Variants in NPAS3 observed in about 807,000 individuals in gnomAD.
NPAS3 encodes neuronal PAS domain protein 3.
A neutral mutation model predicts 73.1 loss-of-function variants in NPAS3; 14 were observed. The observed-to-expected ratio is 0.19, with a 90% CI of 0.13 to 0.30. The LOEUF is 0.30. Ranked by LOEUF, NPAS3 falls within the 10% of genes least tolerant of loss-of-function variation. The pLI, the probability that NPAS3 is intolerant of heterozygous loss-of-function variation, is 1.00. For synonymous variants in NPAS3, 620 were observed against 541.5 expected, an observed-to-expected ratio of 1.14 and a Z score of -2.01; for missense variants, 1,096 against 1,250.0, an observed-to-expected ratio of 0.88 and a Z score of 1.86.
chr14:33,335,990 G>A (rs1209761549), intron 3 of NPAS3, among the ~76,000 whole-genome samples: 4 of 152,070 alleles, frequency 2.6e-5, no homozygotes, highest in East Asian at 1.9e-4. Flanking sequence ...TGTGGTAAAC[G>A]CATGTTTAAT....
upstream of NPAS3, among the ~76,000 whole-genome samples, chr14:32,938,486 TGAGAGA>T (rs369330767): frequency 2.9e-3 from 163 of 55,936 alleles, 3 homozygotes; most frequent in Admixed American, 0.011. Flanking sequence ...AGAGAGAAAT[TGAGAGA>T]GAGAGAGAGA....
At chr14:33,074,126 A>G (rs1441804639) in intron 2 of NPAS3, among the ~76,000 whole-genome samples, 1 of 152,200 alleles carries the variant, frequency 6.6e-6, no homozygotes, top group Non-Finnish European at 1.5e-5. Context: ...ATTTATTGAT[A>G]GAGCACCAAG....
At chr14:33,655,831 A>C (rs1395251960) in intron 5 of NPAS3, among the ~76,000 whole-genome samples, 3 of 152,110 alleles carry the variant, frequency 2.0e-5, no homozygotes, top group Non-Finnish European at 4.4e-5. Flanking sequence ...ATTTCATCCC[A>C]TAGTCTCAAA....
At chr14:33,366,859 GA>G (rs1161136100) in intron 3 of NPAS3, among the ~76,000 whole-genome samples, 1 of 152,058 alleles carries the variant, frequency 6.6e-6, no homozygotes, top group Non-Finnish European at 1.5e-5. Context: ...TTAATTTTAA[GA>G]AAAATGGTGT....
In NPAS3 at chr14:33,676,298, C is replaced by A. The variant is rs779401848; in HGVS notation, c.646C>A (p.Pro216Thr). The A allele has an allele frequency of 3.0e-5, 49 of 1,613,118 alleles. No homozygotes were observed. Among genetic ancestry groups the A allele is most frequent in the Admixed American group, 1.0e-4 (6 of 59,914 alleles). The stretch of plus-strand genomic sequence containing the variant: ...TGAGCAGCTGGGCATGAAGCTCCCC[C>A]CTGGGCGGGGTCTCCTGTCACAGGG... Residue 216 changes from proline to threonine, a missense_variant, in exon 6 of 12, where the codon CCT becomes ACT. Physicochemically the swap from Pro to Thr is conservative, Grantham distance 38. Around this residue, in one of 5 missense-constraint regions of NPAS3, gnomAD observed 215 missense variants for 260.0 expected, o/e 0.83. Coordinates refer to ENST00000356141, the Ensembl canonical transcript of NPAS3.
chr14:33,362,269 A>T (rs1594770126), intron 3 of NPAS3, among the ~76,000 whole-genome samples: 1 of 152,204 alleles, frequency 6.6e-6, no homozygotes. Flanking sequence ...CGGACCCCAC[A>T]GAAGGCAGAG....
chr14:33,721,263 G>A (rs1259421944), intron 6 of NPAS3, among the ~76,000 whole-genome samples: 2 of 152,106 alleles, frequency 1.3e-5, no homozygotes, highest in South Asian at 2.1e-4. Context: ...ACCTGGTCGG[G>A]GAGAGGTATT....
chr14:33,119,886 G>T (rs2043179363), intron 2 of NPAS3, among the ~76,000 whole-genome samples: 1 of 152,120 alleles, frequency 6.6e-6, no homozygotes, highest in African/African-American at 2.4e-5. Context: ...TAAACTAAAT[G>T]AAGACCTTCT....
chr14:33,563,709 C>T (rs1417623220), intron 5 of NPAS3, among the ~76,000 whole-genome samples: 1 of 152,140 alleles, frequency 6.6e-6, no homozygotes, highest in African/African-American at 2.4e-5. Flanking sequence ...TTCCCACATA[C>T]TGATGCTGAG....
At chr14:33,099,686 T>C (rs1009223740) in intron 2 of NPAS3, among the ~76,000 whole-genome samples, 1 of 152,168 alleles carries the variant, frequency 6.6e-6, no homozygotes, top group Non-Finnish European at 1.5e-5. Context: ...AGAAAACTAA[T>C]CCAAGGGATA....
intron 2 of NPAS3, among the ~76,000 whole-genome samples, chr14:33,109,895 T>C (rs1244134285): frequency 6.9e-6 from 1 of 143,982 alleles, no homozygotes; most frequent in Non-Finnish European, 1.5e-5. Context: ...CTCTGCCTCC[T>C]GGGCTTAAAC....
intron 5 of NPAS3, among the ~76,000 whole-genome samples, chr14:33,601,260 A>C (rs2139998070): frequency 6.6e-6 from 1 of 152,286 alleles, no homozygotes; most frequent in Non-Finnish European, 1.5e-5. Flanking sequence ...GAGGATAATT[A>C]TTTTCCCGCT....
At chr14:33,068,221 C>T (rs1349987747) in intron 2 of NPAS3, among the ~76,000 whole-genome samples, 1 of 152,238 alleles carries the variant, frequency 6.6e-6, no homozygotes, top group Non-Finnish European at 1.5e-5. Context: ...GTCAAGCTGT[C>T]TGTAATCTTA....
At chr14:33,282,163 T>G (rs2041653862) in intron 3 of NPAS3, among the ~76,000 whole-genome samples, 1 of 152,242 alleles carries the variant, frequency 6.6e-6, no homozygotes, top group Admixed American at 6.5e-5. Flanking sequence ...AAAACTGACT[T>G]TCTCCTTATT....
At chr14:33,619,448 TA>T (rs146666784) in intron 5 of NPAS3, among the ~76,000 whole-genome samples, 11,273 of 148,338 alleles carry the variant, frequency 0.076, 565 homozygotes, top group South Asian at 0.12. Flanking sequence ...CTGAGATGAT[TA>T]AAAAAAAAAA....
At chr14:33,338,661 A>G (rs2044337410) in intron 3 of NPAS3, among the ~76,000 whole-genome samples, 1 of 152,206 alleles carries the variant, frequency 6.6e-6, no homozygotes, top group African/African-American at 2.4e-5. Flanking sequence ...CTTATACTGC[A>G]TTATTAAAGA....
Position 33,670,823 on chromosome 14 carries a change from A to G in NPAS3, c.559-5388A>G, listed in dbSNP as rs775726094. 3.8e-4 allele frequency among the ~76,000 whole-genome samples: 58 copies of G among 152,058 alleles called. No homozygotes were observed. The Middle Eastern group carries it at 0.017, about 45-fold the overall frequency. On this transcript the variant is annotated intron_variant, in intron 5 of 11. Coordinates refer to ENST00000356141, the Ensembl canonical transcript of NPAS3. ...GACCTTTGAATGACCTTTTATTCAG[A>G]TATTGCTAGCACTCACTAAGGGAGT...
chr14:33,612,793 A>G (rs1470834312), intron 5 of NPAS3, among the ~76,000 whole-genome samples: 1 of 152,184 alleles, frequency 6.6e-6, no homozygotes, highest in Non-Finnish European at 1.5e-5. Context: ...TGTTTATCCC[A>G]TAGAAACATG....
At chr14:33,738,646 C>T (rs1374019544) in intron 7 of NPAS3, among the ~76,000 whole-genome samples, 1 of 152,182 alleles carries the variant, frequency 6.6e-6, no homozygotes, top group Non-Finnish European at 1.5e-5. Context: ...AAGTCGCCCT[C>T]TCTCCAGTGA....
Sources: allele counts gnomAD v4.1 joint callset (sites outside exome capture counted in the v4.1 genomes callset), GRCh38; gene constraint gnomAD v4.1.1; regional missense constraint gnomAD v4.1.1; transcripts MANE v1.5; gene names NCBI Gene and HGNC (gene_info 2026-07-23, HGNC 2026-07-21).